The following ANKRD28 variants were observed in gnomAD, a reference collection of about 807,000 sequenced individuals.
ANKRD28 encodes the protein serine/threonine-protein phosphatase 6 regulatory ankyrin repeat subunit A.
ANKRD28 carries 44 observed loss-of-function variants against 126.5 expected under a neutral mutation model. The observed-to-expected ratio is 0.35, with a 90% confidence interval of 0.27 to 0.45. ANKRD28 has a LOEUF of 0.45. Among genes scored for constraint, ANKRD28 ranks in the 20% least tolerant of loss-of-function variants. The pLI is 1.00. For synonymous variants in ANKRD28, 442 were observed against 468.5 expected (o/e 0.94, Z 0.73); for missense variants, 1,110 against 1,316.6 (o/e 0.84, Z 2.43).
chr3:15,814,241 A>T lies in ANKRD28; in HGVS notation c.28-18935T>A. The stretch of plus-strand genomic sequence containing the variant: ...AGAGACTACTAGAAAATAACCTACC[A>T]TAATAGGAATTCCCATACTATTTTC... On this transcript the variant is annotated intron_variant, in intron 1 of 27. Coordinates refer to the ANKRD28 transcript ENST00000399451. This position sits in a 1 kb window ranked among gnomAD's most constrained non-coding sequence, Gnocchi z 4.7. The T allele has an allele frequency of 8.0e-7, 1 of 1,245,626 alleles. No individual in the cohort carries two copies. The allele number at this position is 1,245,626 out of a possible 1,614,324, so 77.2% of individuals were successfully genotyped here. A position where few individuals can be genotyped will look rare whatever the true frequency, so the allele number is the denominator to read the frequency against.
rs2060723768 is a variant in ANKRD28, at chr3:15,812,035, C to T, written c.28-16729G>A. Among the ~76,000 whole-genome samples, 1 of 151,928 alleles carries T rather than the reference C, an allele frequency of 6.6e-6. No individual in the cohort carries two copies. The highest frequency in any genetic ancestry group is 2.4e-5 in the African/African-American group (1 of 41,368). On this transcript the variant is annotated intron_variant, in intron 1 of 27. Coordinates refer to the ANKRD28 transcript ENST00000399451. This position sits in a 1 kb window ranked among gnomAD's most constrained non-coding sequence, Gnocchi z 4.1. ...AGGCGTGGTGGTACGCACCTGTAGT[C>T]CCAGCTACTCAGGAGGCTGAGGTCG...
rs140774697 is a variant in ANKRD28, at chr3:15,720,272, T to A, written c.996+643A>T. On this transcript the variant is annotated intron_variant, in intron 8 of 27. Transcript: ENST00000683139. ...TATGTGCAACACACTGACAGTTTTT[T>A]TTCCCTAACACTGTAAAATTTGAAA... Among the ~76,000 whole-genome samples the A allele has an allele frequency of 5.8e-3, 878 of 152,322 alleles. 10 individuals are homozygous for A. Among genetic ancestry groups the A allele is most frequent in the South Asian group, 0.047 (225 of 4,824 alleles).
At chr3:15,809,986 A>G (rs923555014) in intron 1 of ANKRD28, among the ~76,000 whole-genome samples, 2 of 152,114 alleles carry the variant, frequency 1.3e-5, no homozygotes, top group African/African-American at 4.8e-5. Flanking sequence ...CTCATCCACA[A>G]AATGTATAGG....
At chr3:15,728,625 C>A (rs2074361736) in intron 6 of ANKRD28, among the ~76,000 whole-genome samples, 1 of 152,036 alleles carries the variant, frequency 6.6e-6, no homozygotes, top group South Asian at 2.1e-4. Context: ...ACTGGGAAAC[C>A]AAAAAATCTT....
rs772051378 is a variant in ANKRD28 at position 15,854,223 on chromosome 3, G to A, written c.27+5154C>T. ...CAATGAAGTCCAAACTTCTCAGCCT[G>A]GGATTCAAAGTACTTAATGTAGTCA... On this transcript the variant is annotated intron_variant, in intron 1 of 27. Transcript: ENST00000399451. The surrounding 1 kb of genome is among the most constrained non-coding windows in gnomAD (Gnocchi z 4.1). Among the ~76,000 whole-genome samples the A allele has an allele frequency of 1.3e-5, 2 of 152,160 alleles. No individual in the cohort carries two copies. Among genetic ancestry groups the A allele is most frequent in the Non-Finnish European group, 2.9e-5 (2 of 68,030 alleles).
chr3:15,716,103 C>G (rs2072989996), intron 8 of ANKRD28, among the ~76,000 whole-genome samples: 1 of 151,498 alleles, frequency 6.6e-6, no homozygotes, highest in Admixed American at 6.6e-5. Flanking sequence ...CTGCCTCAGC[C>G]TCCTGAGTAG....
intron 2 of ANKRD28, among the ~76,000 whole-genome samples, chr3:15,786,212 T>C (rs546478762): frequency 1.3e-5 from 2 of 152,228 alleles, no homozygotes; most frequent in African/African-American, 2.4e-5. Flanking sequence ...TGTAGGTACA[T>C]CAATTTTAAC....
At chr3:15,720,887 A>G in intron 8 of ANKRD28, 28 bp downstream of exon 8, 1 of 1,597,382 alleles carries the variant, frequency 6.3e-7, no homozygotes, top group Non-Finnish European at 8.6e-7. Context: ...CATATGAAAT[A>G]CTTATAGATT....
chr3:15,737,462 A>T (rs1049906689), intron 4 of ANKRD28, among the ~76,000 whole-genome samples: 1 of 152,184 alleles, frequency 6.6e-6, no homozygotes, highest in African/African-American at 2.4e-5. Flanking sequence ...CATCAAGATC[A>T]AACATTCCCT....
chr3:15,850,224 TAGAG>T (rs375278547), intron 1 of ANKRD28, among the ~76,000 whole-genome samples: 2,467 of 34,896 alleles, frequency 0.071, 74 homozygotes, highest in Middle Eastern at 0.16. Context: ...TATATATATA[TAGAG>T]AGAGAGAGAG....
At chr3:15,842,655 T>C (rs1007519028) in intron 1 of ANKRD28, among the ~76,000 whole-genome samples, 1 of 152,230 alleles carries the variant, frequency 6.6e-6, no homozygotes, top group African/African-American at 2.4e-5. Context: ...ATGTGGTTAG[T>C]ATATGCACTG....
At position 15,678,311 on chromosome 3, in the gene ANKRD28, A is replaced by G. The variant is rs369691636; in HGVS notation, c.2605T>C (p.Leu869=). 1.6e-4 allele frequency: 252 copies of G among 1,612,850 alleles called. No individual in the cohort carries two copies. In the African/African-American group the frequency reaches 3.2e-3, roughly 20 times the overall value. Residue 869 remains leucine, a synonymous_variant, in exon 24 of 28, where the codon TTA becomes CTA. Coordinates refer to ENST00000683139, the MANE Select transcript of ANKRD28 (RefSeq NM_001349278.2). ...GCATTATGGCTGAGCAGCAGCTGTA[A>G]ACACTCTACATGGTCTGTGAAGGCG... is the stretch of plus-strand genomic sequence containing the variant. ...AAAFTDHVEC[L]QLLLSHNAQV...
At position 15,838,463 on chromosome 3, in the gene ANKRD28, C is replaced by T. The variant is rs2125960113; in HGVS notation, c.27+20914G>A. ...CTACTCAAGAATCTTTGTGGCCAGG[C>T]ATGGTGGGCTCACACCTATAATCCC... On this transcript the variant is annotated intron_variant, in intron 1 of 27. Transcript: ENST00000399451. This position sits in a 1 kb window ranked among gnomAD's most constrained non-coding sequence, Gnocchi z 4.0. Among the ~76,000 whole-genome samples the T allele has an allele frequency of 6.6e-6, 1 of 152,246 alleles. No homozygotes were observed. Among genetic ancestry groups the T allele is most frequent in the East Asian group, 1.9e-4 (1 of 5,178 alleles).
At chr3:15,800,918 G>C (rs1236885342), upstream of ANKRD28, among the ~76,000 whole-genome samples, 1 of 152,070 alleles carries the variant, frequency 6.6e-6, no homozygotes, top group African/African-American at 2.4e-5. Flanking sequence ...GAATAAGACA[G>C]GCTCCTACCC....
At position 15,796,996 on chromosome 3, in the gene ANKRD28, T is replaced by G. The variant is rs1163133427; in HGVS notation, c.-475A>C. ...ACCCACTCTTGCCTGCAAGGTCATATAGTTACCAGTAGCTGTTTTGCTTAT... is the reference window on the plus strand; with the variant it reads ...ACCCACTCTTGCCTGCAAGGTCATAGAGTTACCAGTAGCTGTTTTGCTTAT... On this transcript the variant is annotated 5_prime_UTR_variant, in exon 1 of 28. Transcript: ENST00000683139. 1.0e-6 allele frequency: 1 copy of G among 985,232 alleles called. No homozygotes were observed. Among genetic ancestry groups the G allele is most frequent in the Non-Finnish European group, 1.2e-6 (1 of 829,898 alleles). The allele number at this position is 985,232 out of a possible 1,614,324, so 61.0% of individuals were successfully genotyped here. A position where few individuals can be genotyped will look rare whatever the true frequency, so the allele number is the denominator to read the frequency against.
Position 15,737,192 on chromosome 3 carries a change from A to G in ANKRD28, c.393T>C (p.Asn131=). ...QVLLKHSADV[N]ARDKNWQTPL... is the part of the protein sequence containing the mutation. ...GGGTTTGCCAATTTTTGTCTCGAGC[A>G]TTAACATCTGCAGAATGCTTCAAAA... Residue 131 remains asparagine (N), a synonymous_variant, in exon 5 of 28, where the codon AAT becomes AAC. Coordinates refer to ENST00000683139, the MANE Select transcript of ANKRD28 (RefSeq NM_001349278.2). 6.2e-7 allele frequency: 1 copy of G among 1,614,050 alleles called. No homozygotes were observed. Among genetic ancestry groups the G allele is most frequent in the Non-Finnish European group, 8.5e-7 (1 of 1,179,902 alleles).
At position 15,686,068 on chromosome 3, in the gene ANKRD28, T is replaced by C; in HGVS notation, c.2103A>G (p.Ser701=). Residue 701 remains serine (S), a synonymous_variant, in exon 20 of 28, where the codon TCA becomes TCG. Transcript: ENST00000683139. ...VLNGHTDCVY[S]LLNKGANVDA... Reference sequence around the variant, plus strand: ...CTACATTTGCTCCTTTGTTCAGCAATGAGTAAACACAGTCTGTGTGCCCGT... The same window carrying C: ...CTACATTTGCTCCTTTGTTCAGCAACGAGTAAACACAGTCTGTGTGCCCGT... The C allele has an allele frequency of 6.2e-7, 1 of 1,613,792 alleles. No individual in the cohort carries two copies. The highest frequency in any genetic ancestry group is 8.5e-7 in the Non-Finnish European group (1 of 1,179,834).
chr3:15,724,559 G>A, intron 6 of ANKRD28, 35 bp from the exon 7 acceptor site: 1 of 1,524,600 alleles, frequency 6.6e-7, no homozygotes, highest in Non-Finnish European at 8.8e-7. Context: ...AAATAGAGAT[G>A]AGCATATGAA....
chr3:15,788,338 T>C (rs1395574268), intron 2 of ANKRD28, among the ~76,000 whole-genome samples: 1 of 152,188 alleles, frequency 6.6e-6, no homozygotes, highest in Non-Finnish European at 1.5e-5. Flanking sequence ...TGCTTTATAG[T>C]ACTATTTGGC....
Sources: allele counts gnomAD v4.1 joint callset (sites outside exome capture counted in the v4.1 genomes callset), GRCh38; gene constraint gnomAD v4.1.1; non-coding constraint Gnocchi (gnomAD v3.1); transcripts MANE v1.5; gene names NCBI Gene and HGNC (gene_info 2026-07-23, HGNC 2026-07-21).